The following MAGI2 variants were observed in gnomAD, a reference collection of about 807,000 sequenced individuals.
The protein encoded by MAGI2 is membrane-associated guanylate kinase, WW and PDZ domain-containing protein 2.
A neutral mutation model predicts 133.3 loss-of-function variants in MAGI2; 35 were observed. That is an observed-to-expected ratio of 0.26 (90% confidence interval 0.20 to 0.35). MAGI2 has a LOEUF of 0.35. Ranked by LOEUF, MAGI2 falls within the 10% of genes least tolerant of loss-of-function variation. The probability of loss-of-function intolerance (pLI) is 1.00; values close to 1 mark genes in which losing one functional copy is unlikely to be tolerated. For missense variants in MAGI2, 1,636 were observed against 1,863.4 expected (o/e 0.88, Z 2.25); for synonymous variants, 729 against 710.6 (o/e 1.03, Z -0.41).
At chr7:78,081,019 G>A (rs1456610109) in intron 20 of MAGI2, among the ~76,000 whole-genome samples, 1 of 152,110 alleles carries the variant, frequency 6.6e-6, no homozygotes, top group Non-Finnish European at 1.5e-5. Context: ...CTTGCCAAAT[G>A]TGTCATGCTG....
chr7:78,797,525 G>T (rs1431446002), intron 2 of MAGI2, among the ~76,000 whole-genome samples: 5 of 151,994 alleles, frequency 3.3e-5, no homozygotes. Context: ...TTTATTATGT[G>T]AATGAATTTT....
At chr7:78,811,586 C>T (rs866694541) in intron 2 of MAGI2, among the ~76,000 whole-genome samples, 6 of 152,100 alleles carry the variant, frequency 3.9e-5, no homozygotes, top group Non-Finnish European at 7.4e-5. Flanking sequence ...AACAAATTTT[C>T]GCCTTCATTT....
At chr7:78,575,607 A>G (rs952238911) in intron 3 of MAGI2, among the ~76,000 whole-genome samples, 21 of 152,204 alleles carry the variant, frequency 1.4e-4, no homozygotes, top group African/African-American at 4.8e-4. Flanking sequence ...ATCGATAGTG[A>G]TAAGTCACAT....
At position 78,534,728 on chromosome 7, in the gene MAGI2, A is replaced by T. The variant is rs553449619; in HGVS notation, c.539-13083T>A. On this transcript the variant is annotated intron_variant, in intron 3 of 21. Coordinates refer to ENST00000354212, the MANE Select transcript of MAGI2 (RefSeq NM_012301.4). The stretch of plus-strand genomic sequence containing the variant: ...ACTTGATATTGACCTTTGTTTCTAG[A>T]CTGATGACCAATGTAGTCTGGTCAT... Among the ~76,000 whole-genome samples, 365 of 152,286 alleles carry T rather than the reference A, an allele frequency of 2.4e-3. 1 individual carries two copies. The highest frequency in any genetic ancestry group is 4.1e-3 in the Non-Finnish European group (276 of 68,020).
chr7:78,718,443 T>C (rs997463179), intron 2 of MAGI2, among the ~76,000 whole-genome samples: 19 of 151,752 alleles, frequency 1.3e-4, no homozygotes, highest in Non-Finnish European at 4.4e-5. Context: ...TTATAGCTAC[T>C]CCCCATTCCT....
chr7:78,730,308 A>G (rs1045331725), intron 2 of MAGI2, among the ~76,000 whole-genome samples: 2 of 152,040 alleles, frequency 1.3e-5, no homozygotes, highest in Non-Finnish European at 2.9e-5. Flanking sequence ...CCAATGACTC[A>G]AAACAAGTTA....
intron 10 of MAGI2, among the ~76,000 whole-genome samples, chr7:78,208,154 T>TA (rs1563262603): frequency 1.6e-4 from 14 of 85,056 alleles, no homozygotes; most frequent in Non-Finnish European, 3.5e-4. Flanking sequence ...TTTTTTTTTT[T>TA]TAATATGGGG....
intron 2 of MAGI2, among the ~76,000 whole-genome samples, chr7:78,657,260 T>A (rs1563308571): frequency 6.6e-6 from 1 of 152,032 alleles, no homozygotes; most frequent in East Asian, 1.9e-4. Context: ...TTTGGAAGAG[T>A]TTGGCAGTTT....
chr7:79,061,571 G>A (rs1358219583), intron 1 of MAGI2, among the ~76,000 whole-genome samples: 4 of 151,758 alleles, frequency 2.6e-5, no homozygotes, highest in Non-Finnish European at 4.4e-5. Flanking sequence ...TACTGAAAAA[G>A]AAGAAAAAAA....
intron 2 of MAGI2, among the ~76,000 whole-genome samples, chr7:78,830,139 C>A (rs1441577133): frequency 1.3e-5 from 2 of 152,114 alleles, no homozygotes; most frequent in East Asian, 1.9e-4. Flanking sequence ...AGATTCCAAG[C>A]AATTTTATAG....
intron 2 of MAGI2, among the ~76,000 whole-genome samples, chr7:78,840,532 G>A (rs1326903247): frequency 6.6e-6 from 1 of 151,986 alleles, no homozygotes; most frequent in African/African-American, 2.4e-5. Flanking sequence ...ACTTTATGTG[G>A]AGTCCAGAGT....
At chr7:79,317,488 G>A (rs937915594) in intron 1 of MAGI2, among the ~76,000 whole-genome samples, 6 of 152,096 alleles carry the variant, frequency 3.9e-5, no homozygotes, top group Non-Finnish European at 8.8e-5. Context: ...TTAGTAACGT[G>A]TTCCAAAATA....
chr7:78,209,054 C>T (rs1447013397), intron 10 of MAGI2, among the ~76,000 whole-genome samples: 11 of 143,940 alleles, frequency 7.6e-5, no homozygotes, highest in Non-Finnish European at 1.4e-4. Flanking sequence ...AACCCTGTCT[C>T]TACTAAAAAT....
At chr7:78,455,608 A>G (rs746086311) in intron 6 of MAGI2, among the ~76,000 whole-genome samples, 1 of 152,170 alleles carries the variant, frequency 6.6e-6, no homozygotes, top group Non-Finnish European at 1.5e-5. Context: ...ATAAAAATAT[A>G]TTATGCAGAG....
chr7:79,441,543 T>C (rs1190137717), intron 1 of MAGI2, among the ~76,000 whole-genome samples: 1 of 152,178 alleles, frequency 6.6e-6, no homozygotes, highest in African/African-American at 2.4e-5. Flanking sequence ...TCATTTATAG[T>C]ATATATGTAT....
intron 2 of MAGI2, among the ~76,000 whole-genome samples, chr7:78,990,901 TACATAC>T (rs1805697083): frequency 1.3e-5 from 1 of 77,688 alleles, no homozygotes; most frequent in South Asian, 4.6e-4. Context: ...ATTTTATATG[TACATAC>T]ACACACACAC....
chr7:78,427,509 AG>A (rs1416592147), intron 6 of MAGI2, among the ~76,000 whole-genome samples: 1 of 152,174 alleles, frequency 6.6e-6, no homozygotes, highest in East Asian at 1.9e-4. Flanking sequence ...GATGATGAAA[AG>A]CTGAATTCAT....
chr7:78,062,363 C>T (rs1042248582), intron 21 of MAGI2, among the ~76,000 whole-genome samples: 6 of 152,326 alleles, frequency 3.9e-5, no homozygotes, highest in East Asian at 1.9e-4. Context: ...GGCCACTTCC[C>T]ACCCACAATC....
chr7:78,123,496 G>T (rs1032849396), intron 20 of MAGI2, among the ~76,000 whole-genome samples: 1 of 152,058 alleles, frequency 6.6e-6, no homozygotes, highest in Non-Finnish European at 1.5e-5. Context: ...CTTGCACTTT[G>T]GGGCCATTAC....
Sources: allele counts gnomAD v4.1 joint callset (sites outside exome capture counted in the v4.1 genomes callset), GRCh38; gene constraint gnomAD v4.1.1; transcripts MANE v1.5; gene names NCBI Gene and HGNC (gene_info 2026-07-23, HGNC 2026-07-21).